Variants in NFASC observed in about 807,000 individuals in gnomAD.
The protein encoded by NFASC is neurofascin, also known as neurofascin homolog.
Under a neutral mutation model 147.5 loss-of-function variants are expected in NFASC, and 43 were observed. The observed-to-expected ratio is 0.29, with a 90% CI of 0.23 to 0.38. NFASC has a LOEUF of 0.38. Among genes scored for constraint, NFASC ranks in the 10% least tolerant of loss-of-function variants. The pLI is 1.00. For missense variants in NFASC, 1,320 were observed against 1,689.0 expected (o/e 0.78, Z 3.83); for synonymous variants, 622 against 665.5 (o/e 0.93, Z 1.01).
chr1:204,933,362 G>A (rs1384459558), intron 2 of NFASC, among the ~76,000 whole-genome samples: 1 of 152,160 alleles, frequency 6.6e-6, no homozygotes, highest in African/African-American at 2.4e-5. Context: ...GCCTGGGTAT[G>A]GGCTATGAAA....
intron 2 of NFASC, among the ~76,000 whole-genome samples, chr1:204,937,286 T>C (rs1033461139): frequency 6.6e-6 from 1 of 152,218 alleles, no homozygotes; most frequent in Non-Finnish European, 1.5e-5. Context: ...TTACAGTCGA[T>C]GAACCTACAT....
intron 1 of NFASC, among the ~76,000 whole-genome samples, chr1:204,852,263 C>G (rs1427254644): frequency 3.3e-5 from 5 of 152,174 alleles, no homozygotes; most frequent in Non-Finnish European, 5.9e-5. Flanking sequence ...CTTTGGGAGG[C>G]TGAGATGGGT....
chr1:204,907,112 C>G (rs909968235), intron 1 of NFASC, among the ~76,000 whole-genome samples: 8 of 152,140 alleles, frequency 5.3e-5, no homozygotes, highest in Non-Finnish European at 7.4e-5. Flanking sequence ...GGCTGTACAT[C>G]CTAACTAGGA....
intron 27 of NFASC, 65 bp from the exon 28 acceptor site, chr1:205,009,492 A>G (rs2096209429): frequency 1.9e-6 from 3 of 1,559,034 alleles, no homozygotes; most frequent in African/African-American, 1.3e-5. Context: ...TCTTCCCTCC[A>G]TCTCCCTCCT....
chr1:205,012,494 C>T (rs887111904), intron 28 of NFASC, among the ~76,000 whole-genome samples: 1 of 152,194 alleles, frequency 6.6e-6, no homozygotes, highest in Non-Finnish European at 1.5e-5. Flanking sequence ...ATGATCACAT[C>T]TGTTTGGTCT....
Position 205,012,854 on chromosome 1 carries a change from C to T in NFASC, c.3479C>T (p.Ser1160Leu). The change falls in exon 29 of 30, where the codon TCA becomes TTA. Residue 1160 changes from serine to leucine, a missense_variant. Coordinates refer to ENST00000339876, the MANE Select transcript of NFASC (RefSeq NM_001005388.3). ...GPEDPKEEDG[S>L]FDYSDEDNKP... ...GAAGACCCCAAGGAAGAGGATGGCT[C>T]ATTTGACTATAGGTGCGTGATCTCC... 1.2e-6 allele frequency: 2 copies of T among 1,612,704 alleles called. No homozygotes were observed. The highest frequency in any genetic ancestry group is 1.7e-6 in the Non-Finnish European group (2 of 1,178,684).
rs530438355 is a variant in NFASC at position 205,000,032 on chromosome 1, C to T, written c.3020-1138C>T. 3.9e-5 allele frequency: 6 copies of T among 152,210 alleles called. No individual in the cohort carries two copies. The East Asian group carries it at 1.2e-3, about 30-fold the overall frequency. 9.4% of individuals were successfully genotyped at this position (152,210 alleles called of 1,614,324 possible). On this transcript the variant is annotated intron_variant, in intron 25 of 29. Transcript: ENST00000339876. ...TACGTTTGAAGATTAGTGCCATTCT[C>T]CTCTACACAGGCTATGGTTTCAGAC... is the stretch of plus-strand genomic sequence containing the variant.
Position 204,840,972 on chromosome 1 carries a change from T to C in NFASC, c.-200+12190T>C, listed in dbSNP as rs557290565. ...TTAAGTAATCGTAGAGAAGTGGTCC[T>C]GTAGATGCTAGTGTTTTACAGATAA... is the stretch of plus-strand genomic sequence containing the variant. On this transcript the variant is annotated intron_variant, in intron 1 of 29. Transcript: ENST00000339876. Among the ~76,000 whole-genome samples, 6 of 152,390 alleles carry C rather than the reference T, an allele frequency of 3.9e-5. No individual in the cohort carries two copies. In the East Asian group the frequency reaches 1.2e-3, roughly 29 times the overall value.
rs774515255 is a variant in NFASC at position 204,938,246 on chromosome 1, G to C, written c.-90-5980G>C. 1.1e-3 allele frequency among the ~76,000 whole-genome samples: 161 copies of C among 152,198 alleles called. 2 individuals carry two copies. Among genetic ancestry groups the C allele is most frequent in the Non-Finnish European group, 3.4e-4 (23 of 68,038 alleles). ...AAGAAAAGGAAAAACAGAAAAGCAG[G>C]CTGTGACCATGGATGCGTCATTATT... On this transcript the variant is annotated intron_variant, in intron 2 of 29. Coordinates refer to ENST00000339876, the MANE Select transcript of NFASC (RefSeq NM_001005388.3).
At chr1:204,876,319 C>G (rs369686356) in intron 1 of NFASC, among the ~76,000 whole-genome samples, 1 of 152,070 alleles carries the variant, frequency 6.6e-6, no homozygotes, top group African/African-American at 2.4e-5. Context: ...CCCACAGCCC[C>G]TGCATATTTT....
chr1:204,865,440 G>T (rs575111305), intron 1 of NFASC, among the ~76,000 whole-genome samples: 1 of 152,162 alleles, frequency 6.6e-6, no homozygotes, highest in Non-Finnish European at 1.5e-5. Context: ...AGGCAGGGGG[G>T]ACTACTGTAG....
rs1239536101 is a variant in NFASC at position 204,847,541 on chromosome 1, G to T, written c.-200+18759G>T. On this transcript the variant is annotated intron_variant, in intron 1 of 29. Coordinates refer to ENST00000339876, the MANE Select transcript of NFASC (RefSeq NM_001005388.3). ...CTTCTTACCTTGGGGCTGCTGACTT[G>T]CTCCGACTACAGAGACTCCTCCTGG... is the stretch of plus-strand genomic sequence containing the variant. 2.0e-5 allele frequency among the ~76,000 whole-genome samples: 3 copies of T among 152,200 alleles called. No individual in the cohort carries two copies. In the East Asian group the frequency reaches 5.8e-4, roughly 29 times the overall value.
chr1:204,906,605 T>C (rs2085938250), intron 1 of NFASC, among the ~76,000 whole-genome samples: 1 of 152,222 alleles, frequency 6.6e-6, no homozygotes. Flanking sequence ...TTGACAGACA[T>C]ATGGTTTGTT....
rs186954041 is a variant in NFASC at position 204,950,619 on chromosome 1, G to C, written c.109+45G>C. ...CTCTGTGCCTCTGGGAGTTGGGAGG[G>C]AGGAATGAGGCATGAGGTGATACCT... is the stretch of plus-strand genomic sequence containing the variant. On this transcript the variant is annotated intron_variant, in intron 4 of 29. Transcript: ENST00000339876. The C allele has an allele frequency of 3.8e-6, 6 of 1,588,344 alleles. No homozygotes were observed. In the African/African-American group the frequency reaches 8.1e-5, roughly 21 times the overall value.
intron 1 of NFASC, among the ~76,000 whole-genome samples, chr1:204,866,943 G>GTGGC (rs2077156802): frequency 6.6e-6 from 1 of 152,174 alleles, no homozygotes; most frequent in African/African-American, 2.4e-5. Context: ...CCTGGAGGAG[G>GTGGC]TGGCATTGGT....
At chr1:204,903,423 G>A (rs1572764026) in intron 1 of NFASC, among the ~76,000 whole-genome samples, 1 of 152,306 alleles carries the variant, frequency 6.6e-6, no homozygotes, top group East Asian at 1.9e-4. Flanking sequence ...GGAAATCATT[G>A]AGGTCCAGTA....
Position 204,954,498 on chromosome 1 carries a change from G to A in NFASC, c.412+114G>A, listed in dbSNP as rs2150011707. ...CTGCCCTTGGCCTGCAGTTGCCTTG[G>A]TGTTCTCTATGCATCTTCCCCACCT... On this transcript the variant is annotated intron_variant, in intron 6 of 29. Coordinates refer to ENST00000339876, the MANE Select transcript of NFASC (RefSeq NM_001005388.3). This position sits in a 1 kb window ranked among gnomAD's most constrained non-coding sequence, Gnocchi z 5.7. The A allele has an allele frequency of 1.0e-6, 1 of 965,444 alleles. No homozygotes were observed. Among genetic ancestry groups the A allele is most frequent in the East Asian group, 2.6e-5 (1 of 38,426 alleles). 59.8% of individuals were successfully genotyped at this position (965,444 alleles called of 1,614,324 possible). A position where few individuals can be genotyped will look rare whatever the true frequency, so the allele number is the denominator to read the frequency against.
intron 1 of NFASC, among the ~76,000 whole-genome samples, chr1:204,840,599 C>T (rs2102488471): frequency 6.6e-6 from 1 of 152,306 alleles, no homozygotes; most frequent in African/African-American, 2.4e-5. Flanking sequence ...GCCAAGGGCT[C>T]TGTCACTTGG....
At chr1:204,880,869 C>T (rs2080063742) in intron 1 of NFASC, among the ~76,000 whole-genome samples, 1 of 152,182 alleles carries the variant, frequency 6.6e-6, no homozygotes, top group Non-Finnish European at 1.5e-5. Flanking sequence ...TGTATCATGT[C>T]CATTTGCACC....
Sources: gnomAD v4.1 joint callset for allele counts (sites outside exome capture counted in the v4.1 genomes callset) on GRCh38, gnomAD v4.1.1 for gene constraint, Gnocchi (gnomAD v3.1) non-coding constraint, MANE v1.5 for transcripts, NCBI Gene and HGNC (gene_info 2026-07-23, HGNC 2026-07-21) for gene names.